The following RIPK1 variants were observed in gnomAD, a reference collection of about 807,000 sequenced individuals.
The protein encoded by RIPK1 is receptor interacting serine/threonine kinase 1, also known as receptor-interacting serine/threonine-protein kinase 1.
RIPK1 carries 27 observed loss-of-function variants against 62.4 expected under a neutral mutation model. The observed-to-expected ratio is 0.43, with a 90% CI of 0.32 to 0.60. RIPK1 has a LOEUF of 0.60. Ranked by LOEUF, RIPK1 falls within the 20% of genes least tolerant of loss-of-function variation. The probability of loss-of-function intolerance (pLI) is 0.07; values close to 1 mark genes in which losing one functional copy is unlikely to be tolerated. For missense variants in RIPK1, 735 were observed against 831.0 expected, an observed-to-expected ratio of 0.88 and a Z score of 1.42; for synonymous variants, 287 against 303.2, an observed-to-expected ratio of 0.95 and a Z score of 0.55.
At chr6:3,077,037 C>T (rs761420849) in intron 2 of RIPK1, 50 bp downstream of exon 2, 16 of 1,516,548 alleles carry the variant, frequency 1.1e-5, no homozygotes, top group Non-Finnish European at 1.3e-5. Flanking sequence ...GGGATGGGGA[C>T]GTTGGCTGTT....
chr6:3,078,909 T>G (rs550552441), intron 3 of RIPK1, among the ~76,000 whole-genome samples: 6 of 135,312 alleles, frequency 4.4e-5, no homozygotes, highest in East Asian at 2.0e-4. Context: ...TGTGATGGGG[T>G]TTTTTTTTTT....
At chr6:3,077,010 TGGGC>T in intron 2 of RIPK1, 23 bp downstream of exon 2, 1 of 1,050,428 alleles carries the variant, frequency 9.5e-7, no homozygotes, top group Non-Finnish European at 1.4e-6. Flanking sequence ...CAGGGGTGGG[TGGGC>T]TAAGTTCTGA....
intron 9 of RIPK1, 98 bp downstream of exon 9, chr6:3,106,149 G>T: frequency 1.1e-6 from 1 of 936,170 alleles, no homozygotes; most frequent in Non-Finnish European, 1.6e-6. Flanking sequence ...TTATAATGGG[G>T]ACAGAGGGCA....
At chr6:3,103,848 G>A (rs1024529244) in intron 7 of RIPK1, among the ~76,000 whole-genome samples, 4 of 152,166 alleles carry the variant, frequency 2.6e-5, no homozygotes, top group African/African-American at 9.7e-5. Context: ...TTTCATATGT[G>A]TATATTCAGT....
chr6:3,109,545 C>T lies in RIPK1; in HGVS notation c.1577-1258C>T, dbSNP rs564617760. Among the ~76,000 whole-genome samples, 5 of 152,262 alleles carry T rather than the reference C, an allele frequency of 3.3e-5. No individual in the cohort carries two copies. In the South Asian group the frequency reaches 8.3e-4, roughly 25 times the overall value. ...ACCCTTCACAGATGCTGTTCAGAGTCGTGGGATCCCGCTGGGAAGTGTGGC... is the reference window on the plus strand; with the variant it reads ...ACCCTTCACAGATGCTGTTCAGAGTTGTGGGATCCCGCTGGGAAGTGTGGC... On this transcript the variant is annotated intron_variant, in intron 9 of 10. Transcript: ENST00000259808.
upstream of RIPK1, chr6:3,068,433 G>A: frequency 3.0e-6 from 3 of 985,474 alleles, no homozygotes; most frequent in Non-Finnish European, 3.6e-6. Flanking sequence ...GCGGCGGGGC[G>A]GCGCTCTCGC....
rs780876329 is a variant in RIPK1 at position 3,105,307 on chromosome 6, CTAT to C, written c.1007-167_1007-165del. ...CTCTCTTACTGCCAGCGAGGAGCTC[CTAT>C]TATTATTTGTAAAGCTTGTGGGAAG... On this transcript the variant is annotated intron_variant, in intron 8 of 10. Coordinates refer to ENST00000259808, the MANE Select transcript of RIPK1 (RefSeq NM_001354930.2). The surrounding 1 kb of genome is among the most constrained non-coding windows in gnomAD (Gnocchi z 4.5). 2.8e-4 allele frequency among the ~76,000 whole-genome samples: 43 copies of C among 152,254 alleles called. No individual in the cohort carries two copies. Among genetic ancestry groups the C allele is most frequent in the Admixed American group, 7.8e-4 (12 of 15,292 alleles).
rs762446569 is a variant in RIPK1 at position 3,083,104 on chromosome 6, C to A, written c.479C>A (p.Ala160Asp). 4 of 1,613,952 alleles carry A rather than the reference C, an allele frequency of 2.5e-6. No individual in the cohort carries two copies. The South Asian group carries it at 4.4e-5, about 18-fold the overall frequency. ...FHIKIADLGL[A>D]SFKMWSKLNN... ...TCGCAGATCGCAGACCTCGGCCTTG[C>A]CTCCTTTAAGATGTGGAGCAAACTG... is the stretch of plus-strand genomic sequence containing the variant. The change falls in exon 5 of 11, where the codon GCC becomes GAC. Residue 160 changes from alanine (A) to aspartate (D), a missense_variant. Physicochemically the swap from Ala to Asp is moderately radical, Grantham distance 126 (BLOSUM62 -2). Coordinates refer to ENST00000259808, the MANE Select transcript of RIPK1 (RefSeq NM_001354930.2).
At chr6:3,097,260 G>A (rs948542401) in intron 7 of RIPK1, among the ~76,000 whole-genome samples, 1 of 152,132 alleles carries the variant, frequency 6.6e-6, no homozygotes. Context: ...CATATGAAAA[G>A]GTAAAGAAGA....
rs766910434 is a variant in RIPK1 at position 3,076,874 on chromosome 6, C to T, written c.51C>T (p.Phe17=). The T allele has an allele frequency of 6.2e-7, 1 of 1,610,956 alleles. No individual in the cohort carries two copies. Among genetic ancestry groups the T allele is most frequent in the South Asian group, 1.1e-5 (1 of 90,956 alleles). Residue 17 remains phenylalanine, a synonymous_variant, in exon 2 of 11, where the codon TTC becomes TTT. Coordinates refer to ENST00000259808, the MANE Select transcript of RIPK1 (RefSeq NM_001354930.2). ...TCATTAAGATGAAATCCAGTGACTT[C>T]CTGGAGAGTGCAGAACTGGACAGCG... The part of the protein sequence containing the change: ...LNVIKMKSSD[F]LESAELDSGG...
In RIPK1 at chr6:3,077,880, C is replaced by T; in HGVS notation, c.266C>T (p.Ser89Phe). The T allele has an allele frequency of 1.2e-6, 2 of 1,614,198 alleles. No homozygotes were observed. The highest frequency in any genetic ancestry group is 1.7e-6 in the Non-Finnish European group (2 of 1,180,020). ...LGVIIEEGKYSLVMEYMEKGN... is the reference protein window; with the variant it reads ...LGVIIEEGKYFLVMEYMEKGN... Reference sequence around the variant, plus strand: ...GTCATCATAGAGGAAGGGAAGTACTCCCTGGTGATGGAGTACATGGAGAAG... The same window carrying T: ...GTCATCATAGAGGAAGGGAAGTACTTCCTGGTGATGGAGTACATGGAGAAG... The change falls in exon 3 of 11, where the codon TCC becomes TTC. Residue 89 changes from serine (S) to phenylalanine (F), a missense_variant. Around this residue, in one of 2 missense-constraint regions of RIPK1, gnomAD observed 671 missense variants for 726.2 expected, o/e 0.92. Transcript: ENST00000259808.
intron 7 of RIPK1, among the ~76,000 whole-genome samples, chr6:3,096,563 T>G (rs991154793): frequency 3.0e-5 from 4 of 134,126 alleles, no homozygotes; most frequent in Non-Finnish European, 4.8e-5. Context: ...TTTTTTTTTT[T>G]TTTTTTTTTT....
chr6:3,086,116 C>T (rs919415705), intron 6 of RIPK1, among the ~76,000 whole-genome samples: 1 of 152,062 alleles, frequency 6.6e-6, no homozygotes, highest in Non-Finnish European at 1.5e-5. Context: ...CCTTGTCATA[C>T]AGGGATGAGG....
At chr6:3,066,575 T>C (rs1178377152), upstream of RIPK1, among the ~76,000 whole-genome samples, 1 of 152,172 alleles carries the variant, frequency 6.6e-6, no homozygotes, top group South Asian at 2.1e-4. Context: ...GTTTTAGAGC[T>C]GTTTTGGTTT....
In RIPK1 at chr6:3,096,682, C is replaced by T. The variant is rs1356768717; in HGVS notation, c.915+7025C>T. 2.0e-5 allele frequency among the ~76,000 whole-genome samples: 3 copies of T among 148,996 alleles called. No individual in the cohort carries two copies. In the South Asian group the frequency reaches 6.4e-4, roughly 32 times the overall value. ...TCATACAATTCTCCTGCCTCAGTCT[C>T]CTGAGTAGCTGGGACTACAGGCGCC... On this transcript the variant is annotated intron_variant, in intron 7 of 10. Transcript: ENST00000259808.
chr6:3,111,161 T>G (rs1223474764), intron 10 of RIPK1, among the ~76,000 whole-genome samples: 1 of 152,262 alleles, frequency 6.6e-6, no homozygotes, highest in Admixed American at 6.5e-5. Flanking sequence ...ATTTAATTTA[T>G]GGATTTGTTG....
Position 3,083,251 on chromosome 6 carries a change from C to A in RIPK1, c.626C>A (p.Ser209Ter), listed in dbSNP as rs781186103. The A allele has an allele frequency of 6.2e-7, 1 of 1,613,742 alleles. No individual in the cohort carries two copies. Among genetic ancestry groups the A allele is most frequent in the Admixed American group, 1.7e-5 (1 of 59,986 alleles). ...GTCAACGCAAAGCCCACAGAGAAGTCGGATGTGTACAGCTTTGCTGTAGTA... is the reference window on the plus strand; with the variant it reads ...GTCAACGCAAAGCCCACAGAGAAGTAGGATGTGTACAGCTTTGCTGTAGTA... ...NDVNAKPTEK[S>*]DVYSFAVVLW... Residue 209 changes from serine (S) to a stop codon, truncating the protein, a stop_gained, in exon 5 of 11, where the codon TCG becomes TAG. Transcript: ENST00000259808. LOFTEE classifies it high-confidence loss of function.
In RIPK1 at chr6:3,113,483, C is replaced by A. The variant is rs1581448269; in HGVS notation, c.*144C>A. 4 of 706,386 alleles carry A rather than the reference C, an allele frequency of 5.7e-6. No individual in the cohort carries two copies. The highest frequency in any genetic ancestry group is 9.1e-6 in the Non-Finnish European group (4 of 438,152). The allele number at this position is 706,386 out of a possible 1,614,324, so 43.8% of individuals were successfully genotyped here. A position where few individuals can be genotyped will look rare whatever the true frequency, so the allele number is the denominator to read the frequency against. On this transcript the variant is annotated 3_prime_UTR_variant, in exon 11 of 11. Coordinates refer to ENST00000259808, the MANE Select transcript of RIPK1 (RefSeq NM_001354930.2). The surrounding 1 kb of genome is among the most constrained non-coding windows in gnomAD (Gnocchi z 5.0). ...AAATTTTGTTTCCTGTACTTCATAG[C>A]TGGAGAATGGGGAAAGAAATCTGCA...
chr6:3,080,943 C>T, intron 3 of RIPK1, 36 bp from the exon 4 acceptor site: 8 of 1,604,046 alleles, frequency 5.0e-6, no homozygotes, highest in Non-Finnish European at 6.0e-6. Flanking sequence ...ATTTGATAAC[C>T]TTTCCATTTC....
Sources: allele counts gnomAD v4.1 joint callset (sites outside exome capture counted in the v4.1 genomes callset), GRCh38; gene constraint gnomAD v4.1.1; regional missense constraint gnomAD v4.1.1; non-coding constraint Gnocchi (gnomAD v3.1); transcripts MANE v1.5; gene names NCBI Gene and HGNC (gene_info 2026-07-23, HGNC 2026-07-21).